ARHGAP23: variants seen among roughly 807,000 people sequenced by gnomAD.
ARHGAP23 encodes the protein rho GTPase-activating protein 23.
A neutral mutation model predicts 136.3 loss-of-function variants in ARHGAP23; 34 were observed. That is an observed-to-expected ratio of 0.25 (90% CI 0.19 to 0.33). ARHGAP23 has a LOEUF of 0.33. Among genes scored for constraint, ARHGAP23 ranks in the 10% least tolerant of loss-of-function variants. The pLI, the probability that ARHGAP23 is intolerant of heterozygous loss-of-function variation, is 1.00. For synonymous variants in ARHGAP23, 832 were observed against 920.5 expected, an observed-to-expected ratio of 0.90 and a Z score of 1.74; for missense variants, 1,808 against 2,139.0, an observed-to-expected ratio of 0.85 and a Z score of 3.05.
At position 38,467,222 on chromosome 17, in the gene ARHGAP23, T is replaced by C; in HGVS notation, c.1539T>C (p.Phe513=). ...CCGCAAGACAGATGAACCTTGGATT[T>C]GGTGACGAGTCCCCAGAGCCAGAGG... ...LTPARQMNLG[F]GDESPEPEAS... Residue 513 remains phenylalanine, a synonymous_variant, in exon 7 of 24, where the codon TTT becomes TTC. Transcript: ENST00000622683. 1 of 1,550,934 alleles carries C rather than the reference T, an allele frequency of 6.4e-7. No individual in the cohort carries two copies. Among genetic ancestry groups the C allele is most frequent in the Non-Finnish European group, 8.7e-7 (1 of 1,146,630 alleles).
At chr17:38,456,288 G>A (rs571991726) in intron 1 of ARHGAP23, among the ~76,000 whole-genome samples, 20 of 152,340 alleles carry the variant, frequency 1.3e-4, no homozygotes, top group African/African-American at 4.6e-4. Flanking sequence ...GCAGAGGGCA[G>A]CTGTCTCCCT....
At chr17:38,444,707 C>T (rs561800969) in intron 1 of ARHGAP23, among the ~76,000 whole-genome samples, 2 of 152,148 alleles carry the variant, frequency 1.3e-5, no homozygotes, top group South Asian at 2.1e-4. Flanking sequence ...GGAGAAGGGA[C>T]GGCAGGGAAA....
At chr17:38,435,461 C>G (rs1052629840) in intron 1 of ARHGAP23, among the ~76,000 whole-genome samples, 4 of 152,202 alleles carry the variant, frequency 2.6e-5, no homozygotes, top group Non-Finnish European at 4.4e-5. Flanking sequence ...GCACCCCAGG[C>G]TTTTGGACTG....
chr17:38,462,058 T>C (rs1351801039), intron 3 of ARHGAP23, among the ~76,000 whole-genome samples: 1 of 151,796 alleles, frequency 6.6e-6, no homozygotes, highest in Non-Finnish European at 1.5e-5. Flanking sequence ...GTTCAAGCAA[T>C]TCTTCTGCCT....
chr17:38,420,129 CCTCTGGTCAGAGTT>C (rs1181039161), intron 1 of ARHGAP23, among the ~76,000 whole-genome samples: 7 of 152,172 alleles, frequency 4.6e-5, no homozygotes, highest in Non-Finnish European at 8.8e-5. Flanking sequence ...ATGAAGACCC[CCTCTGGTCAGAGTT>C]CTCATTCCCT....
At chr17:38,432,171 G>T (rs1428993534) in intron 1 of ARHGAP23, among the ~76,000 whole-genome samples, 1 of 152,208 alleles carries the variant, frequency 6.6e-6, no homozygotes, top group Non-Finnish European at 1.5e-5. Flanking sequence ...CGAGAAAAAT[G>T]ATAATAGCAA....
chr17:38,490,297 C>A, intron 18 of ARHGAP23, 122 bp downstream of exon 18: 1 of 1,155,802 alleles, frequency 8.7e-7, no homozygotes, highest in Non-Finnish European at 1.3e-6. Context: ...CCCCGCTCCA[C>A]TCAGGGCCTC....
intron 1 of ARHGAP23, among the ~76,000 whole-genome samples, chr17:38,436,390 C>CT (rs1255139278): frequency 1.5e-5 from 2 of 132,182 alleles, no homozygotes; most frequent in Non-Finnish European, 3.6e-5. Context: ...GCTACCCCTA[C>CT]CCCCCCAAAA....
upstream of ARHGAP23, chr17:38,428,425 T>A: frequency 2.8e-5 from 26 of 941,468 alleles, no homozygotes; most frequent in African/African-American, 5.4e-5. Context: ...GCCCCGCCCC[T>A]CCCGGGTCCC....
chr17:38,466,241 C>A lies in ARHGAP23; in HGVS notation c.558C>A (p.Pro186=), dbSNP rs8075324. 7.7e-5 allele frequency: 119 copies of A among 1,545,810 alleles called. No individual in the cohort carries two copies. In the Admixed American group the frequency reaches 1.4e-3, roughly 19 times the overall value. The change falls in exon 7 of 24, where the codon CCC becomes CCA. Residue 186 remains proline (P), a synonymous_variant. Transcript: ENST00000622683. ...SGEARSIPEP[P]PICYPRKTYA... is the part of the protein sequence containing the mutation. ...AGGCCCGCAGCATCCCAGAGCCACC[C>A]CCGATCTGCTACCCCCGCAAGACCT... is the stretch of plus-strand genomic sequence containing the variant.
At position 38,477,227 on chromosome 17, in the gene ARHGAP23, G is replaced by A. The variant is rs559329395; in HGVS notation, c.2119-352G>A. Among the ~76,000 whole-genome samples, 7 of 152,178 alleles carry A rather than the reference G, an allele frequency of 4.6e-5. No homozygotes were observed. The highest frequency in any genetic ancestry group is 8.8e-5 in the Non-Finnish European group (6 of 68,014). On this transcript the variant is annotated intron_variant, in intron 11 of 23. Coordinates refer to ENST00000622683, the MANE Select transcript of ARHGAP23 (RefSeq NM_001199417.2). The surrounding 1 kb of genome is among the most constrained non-coding windows in gnomAD (Gnocchi z 6.6). ...GATGAGGGGCAGCCTGGGGAGGGGCGTGGGCTGGGAATGGCATCCCCAGGA... is the reference window on the plus strand; with the variant it reads ...GATGAGGGGCAGCCTGGGGAGGGGCATGGGCTGGGAATGGCATCCCCAGGA...
intron 2 of ARHGAP23, 88 bp from the exon 3 acceptor site, chr17:38,460,817 C>A (rs2039442044): frequency 6.5e-7 from 1 of 1,535,488 alleles, no homozygotes; most frequent in Non-Finnish European, 8.7e-7. Flanking sequence ...TGGCGGGAAC[C>A]TGAAGGGGCC....
At chr17:38,476,062 T>G (rs1231416301) in intron 11 of ARHGAP23, among the ~76,000 whole-genome samples, 1 of 151,860 alleles carries the variant, frequency 6.6e-6, no homozygotes, top group Non-Finnish European at 1.5e-5. Flanking sequence ...GTGAGAAAGG[T>G]GTGAAGATGA....
intron 1 of ARHGAP23, among the ~76,000 whole-genome samples, chr17:38,448,288 C>A (rs936674750): frequency 3.9e-5 from 6 of 152,012 alleles, no homozygotes; most frequent in Admixed American, 2.6e-4. Context: ...CATGTGTCAC[C>A]GTGTCTTTGT....
intron 1 of ARHGAP23, among the ~76,000 whole-genome samples, chr17:38,447,094 A>C (rs2039050789): frequency 6.6e-6 from 1 of 152,166 alleles, no homozygotes. Flanking sequence ...GGCCACAGAC[A>C]CACCATTTTA....
At chr17:38,496,609 G>A (rs1455013213) in intron 20 of ARHGAP23, among the ~76,000 whole-genome samples, 2 of 152,146 alleles carry the variant, frequency 1.3e-5, no homozygotes, top group Non-Finnish European at 2.9e-5. Context: ...GATGTCTCAG[G>A]ATAGCTTTAT....
chr17:38,476,174 C>T (rs1016761148), intron 11 of ARHGAP23, among the ~76,000 whole-genome samples: 13 of 152,106 alleles, frequency 8.5e-5, no homozygotes, highest in African/African-American at 3.1e-4. Context: ...GATGTGATCT[C>T]CTTTTCATTC....
chr17:38,499,697 C>T lies in ARHGAP23; in HGVS notation c.3416-900C>T, dbSNP rs540083383. Among the ~76,000 whole-genome samples the T allele has an allele frequency of 1.4e-4, 22 of 152,146 alleles. No homozygotes were observed. In the South Asian group the frequency reaches 2.7e-3, roughly 19 times the overall value. On this transcript the variant is annotated intron_variant, in intron 22 of 23. Transcript: ENST00000622683. ...CCGCGCCCTGTGTGTCGTGTGTGGT[C>T]GCCCATCTTGCTTTTCTCACCTTGT...
At chr17:38,481,942 A>G in intron 14 of ARHGAP23, 80 bp from the exon 15 acceptor site, 4 of 1,394,272 alleles carry the variant, frequency 2.9e-6, no homozygotes, top group Non-Finnish European at 3.8e-6. Context: ...CCATACGTCC[A>G]AATGTGTGAA....
Sources: allele counts gnomAD v4.1 joint callset (sites outside exome capture counted in the v4.1 genomes callset), GRCh38; gene constraint gnomAD v4.1.1; non-coding constraint Gnocchi (gnomAD v3.1); transcripts MANE v1.5; gene names NCBI Gene and HGNC (gene_info 2026-07-23, HGNC 2026-07-21).